Variants in EPM2A observed in about 807,000 individuals in gnomAD.
The protein encoded by EPM2A is EPM2A glucan phosphatase, laforin, also known as laforin.
EPM2A carries 21 observed loss-of-function variants against 26.5 expected under a neutral mutation model. The observed-to-expected ratio is 0.79, with a 90% CI of 0.56 to 1.14. EPM2A has a LOEUF of 1.14. EPM2A is among the 50% of genes most tolerant of loss of function. The pLI, the probability that EPM2A is intolerant of heterozygous loss-of-function variation, is 0.00. For missense variants in EPM2A, 458 were observed against 440.8 expected, an observed-to-expected ratio of 1.04 and a Z score of -0.35; for synonymous variants, 217 against 177.6, an observed-to-expected ratio of 1.22 and a Z score of -1.76.
At chr6:145,735,562 G>A, upstream of EPM2A, 1 of 1,117,840 alleles carries the variant, frequency 8.9e-7, no homozygotes, top group Non-Finnish European at 1.1e-6. Flanking sequence ...CGCGGCCCGA[G>A]CACTAGGCGG....
At chr6:145,690,466 C>T (rs1338833787) in intron 1 of EPM2A, among the ~76,000 whole-genome samples, 10 of 141,672 alleles carry the variant, frequency 7.1e-5, no homozygotes, top group South Asian at 4.5e-4. Context: ...GCCGAGATTG[C>T]GCCACTGCAG....
intron 1 of EPM2A, among the ~76,000 whole-genome samples, chr6:145,709,257 G>C (rs1381694382): frequency 1.3e-5 from 2 of 152,180 alleles, no homozygotes; most frequent in Non-Finnish European, 2.9e-5. Flanking sequence ...GAGGACATAA[G>C]ATTTTAGAGG....
At chr6:145,621,245 T>C (rs971317278), downstream of EPM2A, among the ~76,000 whole-genome samples, 2 of 152,244 alleles carry the variant, frequency 1.3e-5, no homozygotes, top group African/African-American at 4.8e-5. Context: ...CCTCAAGTTT[T>C]AACGCTGTTG....
chr6:145,433,592 T>C (rs927609069), intron 4 of EPM2A, among the ~76,000 whole-genome samples: 2 of 152,172 alleles, frequency 1.3e-5, no homozygotes, highest in Non-Finnish European at 2.9e-5. Context: ...ATACATTCTT[T>C]TTATAGTTTA....
At chr6:145,566,420 C>T (rs414297) in intron 2 of EPM2A, among the ~76,000 whole-genome samples, 68,429 of 152,010 alleles carry the variant, frequency 0.45, 16,148 homozygotes, top group African/African-American at 0.57. Flanking sequence ...TGTTTGCACA[C>T]CACCTGTATC....
rs1775854875 is a variant in EPM2A at position 145,626,975 on chromosome 6, G to A, written c.*441C>T. The A allele has an allele frequency of 9.6e-7, 1 of 1,043,176 alleles. No homozygotes were observed. Among genetic ancestry groups the A allele is most frequent in the Non-Finnish European group, 1.2e-6 (1 of 864,326 alleles). 64.6% of individuals were successfully genotyped at this position (1,043,176 alleles called of 1,614,324 possible). On this transcript the variant is annotated 3_prime_UTR_variant, in exon 4 of 4. Transcript: ENST00000367519. ...GGCTTCTAACCTTATTTCCTCCTTT[G>A]GCAACTGACCAGCTCACGCACACAT...
intron 1 of EPM2A, among the ~76,000 whole-genome samples, chr6:145,723,547 C>T (rs1055166091): frequency 2.0e-5 from 3 of 152,020 alleles, no homozygotes; most frequent in Non-Finnish European, 4.4e-5. Context: ...TACCTGCCTG[C>T]AAAATTTTTT....
chr6:145,669,703 A>G (rs1477525204), intron 2 of EPM2A, among the ~76,000 whole-genome samples: 1 of 152,200 alleles, frequency 6.6e-6, no homozygotes, highest in African/African-American at 2.4e-5. Context: ...AACCCTGGAA[A>G]AAGGCTAGCC....
At chr6:145,528,813 C>A (rs762842848) in intron 2 of EPM2A, among the ~76,000 whole-genome samples, 4 of 152,106 alleles carry the variant, frequency 2.6e-5, no homozygotes, top group Non-Finnish European at 5.9e-5. Context: ...GGTGATTCCT[C>A]TGATGGGTCT....
intron 2 of EPM2A, among the ~76,000 whole-genome samples, chr6:145,668,970 C>T (rs557553309): frequency 6.6e-4 from 101 of 152,010 alleles, no homozygotes; most frequent in South Asian, 2.5e-3. Flanking sequence ...TCAGTGTATA[C>T]GTGTGTGTAC....
intron 2 of EPM2A, among the ~76,000 whole-genome samples, chr6:145,607,884 G>A (rs1775296590): frequency 6.6e-6 from 1 of 152,148 alleles, no homozygotes; most frequent in Admixed American, 6.5e-5. Flanking sequence ...GCAGGTAAAA[G>A]GAAAATTACA....
chr6:145,536,009 A>C (rs771647663), intron 2 of EPM2A, among the ~76,000 whole-genome samples: 8 of 152,254 alleles, frequency 5.3e-5, no homozygotes, highest in Non-Finnish European at 1.0e-4. Flanking sequence ...ATTATCATAA[A>C]ATTGCTAAAG....
chr6:145,501,719 A>T, exon 4 of EPM2A: 1 of 460,640 alleles, frequency 2.2e-6, no homozygotes, highest in South Asian at 1.6e-5. Context: ...TGCTTATGAA[A>T]TTTTTCTTTC....
At chr6:145,500,252 G>T (rs751903081), downstream of EPM2A, among the ~76,000 whole-genome samples, 21 of 152,130 alleles carry the variant, frequency 1.4e-4, no homozygotes, top group East Asian at 3.1e-3. Flanking sequence ...ATTTGAGTGA[G>T]GTAAATAAAA....
At chr6:145,394,699 G>T (rs1778381907) in intron 4 of EPM2A, among the ~76,000 whole-genome samples, 1 of 152,094 alleles carries the variant, frequency 6.6e-6, no homozygotes, top group South Asian at 2.1e-4. Flanking sequence ...TGACTGTCTG[G>T]CATACCTTCT....
intron 2 of EPM2A, among the ~76,000 whole-genome samples, chr6:145,663,342 A>G (rs1328959816): frequency 6.6e-6 from 1 of 152,192 alleles, no homozygotes; most frequent in East Asian, 1.9e-4. Flanking sequence ...TTTCCATCTG[A>G]GGTACCGGGT....
At chr6:145,398,275 G>T (rs1203291008) in intron 4 of EPM2A, among the ~76,000 whole-genome samples, 1 of 152,114 alleles carries the variant, frequency 6.6e-6, no homozygotes. Flanking sequence ...TTAGTAAGGT[G>T]CTCTGTTATC....
At chr6:145,529,130 T>C (rs1050584823) in intron 2 of EPM2A, among the ~76,000 whole-genome samples, 2 of 82,696 alleles carry the variant, frequency 2.4e-5, no homozygotes, top group African/African-American at 7.2e-5. Flanking sequence ...GCAAAAAAAG[T>C]AGTTTCTTGA....
At chr6:145,620,120 TC>T (rs1043750466) in intron 2 of EPM2A, among the ~76,000 whole-genome samples, 13 of 152,128 alleles carry the variant, frequency 8.5e-5, no homozygotes, top group African/African-American at 2.9e-4. Flanking sequence ...AGACCAGTGG[TC>T]CCCAACCTTT....
Sources: gnomAD v4.1 joint callset for allele counts (sites outside exome capture counted in the v4.1 genomes callset) on GRCh38, gnomAD v4.1.1 for gene constraint, MANE v1.5 for transcripts, NCBI Gene and HGNC (gene_info 2026-07-23, HGNC 2026-07-21) for gene names.